The following RALGAPA2 variants were observed in gnomAD, a reference collection of about 807,000 sequenced individuals.
RALGAPA2 encodes the protein Ral GTPase activating protein catalytic subunit alpha 2, also known as ral GTPase-activating protein subunit alpha-2.
Under a neutral mutation model 230.4 loss-of-function variants are expected in RALGAPA2, and 139 were observed. The observed-to-expected ratio is 0.60, with a 90% CI of 0.53 to 0.69. The LOEUF is 0.69. RALGAPA2 is among the 30% of genes least tolerant of loss of function. The pLI, the probability that RALGAPA2 is intolerant of heterozygous loss-of-function variation, is 0.00. For missense variants in RALGAPA2, 2,163 were observed against 2,276.0 expected (o/e 0.95, Z 1.01); for synonymous variants, 847 against 837.8 (o/e 1.01, Z -0.19).
intron 35 of RALGAPA2, among the ~76,000 whole-genome samples, chr20:20,500,745 G>A (rs2062350583): frequency 6.6e-6 from 1 of 152,142 alleles, no homozygotes; most frequent in Non-Finnish European, 1.5e-5. Context: ...GTTTTCAATG[G>A]TCTTTGCCAG....
intron 35 of RALGAPA2, among the ~76,000 whole-genome samples, chr20:20,500,159 T>C (rs992057079): frequency 3.3e-5 from 5 of 152,196 alleles, no homozygotes; most frequent in East Asian, 1.9e-4. Context: ...TGGTTGCTGA[T>C]TGATCAGGGT....
intron 10 of RALGAPA2, among the ~76,000 whole-genome samples, chr20:20,622,562 T>C (rs1027167710): frequency 5.3e-5 from 8 of 152,200 alleles, no homozygotes; most frequent in Non-Finnish European, 7.3e-5. Context: ...AAAAGATTCA[T>C]GTGCAGAGGG....
intron 37 of RALGAPA2, among the ~76,000 whole-genome samples, chr20:20,469,185 G>A (rs751358958): frequency 3.3e-5 from 5 of 152,184 alleles, no homozygotes; most frequent in Non-Finnish European, 7.3e-5. Flanking sequence ...AACTGGTGCT[G>A]CCCGGCAAAA....
intron 35 of RALGAPA2, among the ~76,000 whole-genome samples, chr20:20,497,042 A>C (rs972540559): frequency 3.3e-5 from 5 of 152,232 alleles, no homozygotes; most frequent in Non-Finnish European, 7.3e-5. Flanking sequence ...TGGCAAAATT[A>C]CCCAGTACAT....
At chr20:20,532,955 C>G (rs1460252289) in intron 26 of RALGAPA2, among the ~76,000 whole-genome samples, 1 of 150,468 alleles carries the variant, frequency 6.6e-6, no homozygotes, top group Non-Finnish European at 1.5e-5. Flanking sequence ...GTTCAAATAC[C>G]TAGTAGAACC....
chr20:20,661,766 C>A (rs2067787461), intron 3 of RALGAPA2, among the ~76,000 whole-genome samples: 1 of 152,080 alleles, frequency 6.6e-6, no homozygotes, highest in Non-Finnish European at 1.5e-5. Context: ...CACAGAAAGA[C>A]TGACAATAAA....
chr20:20,677,828 A>G (rs1433046745), intron 2 of RALGAPA2, among the ~76,000 whole-genome samples: 1 of 151,078 alleles, frequency 6.6e-6, no homozygotes, highest in Admixed American at 6.6e-5. Flanking sequence ...TTGTATTTTT[A>G]GTAGAGACAG....
intron 1 of RALGAPA2, among the ~76,000 whole-genome samples, chr20:20,707,456 A>T (rs1412373092): frequency 1.3e-5 from 2 of 152,178 alleles, no homozygotes; most frequent in Non-Finnish European, 2.9e-5. Context: ...AATCCAGGAA[A>T]TGGTAAGCTA....
rs1162525656 is a variant in RALGAPA2, at chr20:20,535,813, C to G, written c.3415-10G>C. ...TATTTATGAGGTAATGCTAAAAACA[C>G]AAAATTAAGTAAAATAAAAACTTTG... is the stretch of plus-strand genomic sequence containing the variant. On this transcript the variant is annotated splice_polypyrimidine_tract_variant and intron_variant, in intron 25 of 39. Transcript: ENST00000202677. 5.2e-6 allele frequency: 8 copies of G among 1,543,054 alleles called. No individual in the cohort carries two copies. The highest frequency in any genetic ancestry group is 7.0e-6 in the Non-Finnish European group (8 of 1,143,300).
intron 36 of RALGAPA2, among the ~76,000 whole-genome samples, chr20:20,479,682 A>C (rs2061729878): frequency 6.6e-6 from 1 of 152,230 alleles, no homozygotes; most frequent in Non-Finnish European, 1.5e-5. Context: ...AAATGGTGAA[A>C]CATTGAGAAC....
chr20:20,437,927 C>T lies in RALGAPA2; in HGVS notation c.5496-25779G>A, dbSNP rs527771407. Among the ~76,000 whole-genome samples the T allele has an allele frequency of 6.6e-6, 1 of 152,280 alleles. No individual in the cohort carries two copies. The highest frequency in any genetic ancestry group is 2.4e-5 in the African/African-American group (1 of 41,548). On this transcript the variant is annotated intron_variant, in intron 37 of 39. Coordinates refer to ENST00000202677, the MANE Select transcript of RALGAPA2 (RefSeq NM_020343.4). The surrounding 1 kb of genome is among the most constrained non-coding windows in gnomAD (Gnocchi z 4.1). ...CTCAGAAACCACTCTCGCAGGCTAG[C>T]TGGCTGAAGGAACAACACTGCAGTG...
intron 20 of RALGAPA2, among the ~76,000 whole-genome samples, chr20:20,575,549 T>C (rs895911467): frequency 6.6e-6 from 1 of 152,052 alleles, no homozygotes; most frequent in African/African-American, 2.4e-5. Context: ...CCTAATTTAC[T>C]TTCACCATTT....
chr20:20,566,125 A>T (rs2064412772), intron 23 of RALGAPA2, among the ~76,000 whole-genome samples: 1 of 152,054 alleles, frequency 6.6e-6, no homozygotes. Flanking sequence ...GAGGACCCAG[A>T]TCCCCCTGTG....
intron 1 of RALGAPA2, among the ~76,000 whole-genome samples, chr20:20,701,363 C>T (rs1408183514): frequency 6.6e-6 from 1 of 152,044 alleles, no homozygotes; most frequent in East Asian, 1.9e-4. Flanking sequence ...CAACAGAAAT[C>T]AAGATGAAAA....
chr20:20,571,958 AGAG>A lies in RALGAPA2; in HGVS notation c.2902-15_2902-13del, dbSNP rs1436577767. ...AGATTATCCCGTATCTAATTCACAAAGAGGAGAATTTTAGGGTAGGTAACATTA... is the reference window on the plus strand; with the variant it reads ...AGATTATCCCGTATCTAATTCACAAAGAGAATTTTAGGGTAGGTAACATTA... On this transcript the variant is annotated splice_polypyrimidine_tract_variant and intron_variant, in intron 21 of 39. Transcript: ENST00000202677. The A allele has an allele frequency of 1.3e-6, 2 of 1,570,154 alleles. No individual in the cohort carries two copies. The highest frequency in any genetic ancestry group is 2.7e-5 in the African/African-American group (2 of 74,108).
chr20:20,414,808 A>G (rs1409248316), intron 37 of RALGAPA2, among the ~76,000 whole-genome samples: 3 of 152,204 alleles, frequency 2.0e-5, no homozygotes, highest in African/African-American at 7.2e-5. Context: ...CCTGCCATGC[A>G]TGCCCCCGAC....
In RALGAPA2 at chr20:20,574,492, T is replaced by C. The variant is rs575226617; in HGVS notation, c.2708-1424A>G. ...GTTCTTTGGATACCTGTTGCTTTAG[T>C]ATGAGTAAAGGCTAGAAGACTGATT... On this transcript the variant is annotated intron_variant, in intron 20 of 39. Coordinates refer to ENST00000202677, the MANE Select transcript of RALGAPA2 (RefSeq NM_020343.4). Among the ~76,000 whole-genome samples, 154 of 152,328 alleles carry C rather than the reference T, an allele frequency of 1.0e-3. 1 individual carries two copies. The highest frequency in any genetic ancestry group is 3.4e-3 in the African/African-American group (143 of 41,574).
At chr20:20,456,147 C>T (rs1334335741) in intron 37 of RALGAPA2, among the ~76,000 whole-genome samples, 1 of 152,254 alleles carries the variant, frequency 6.6e-6, no homozygotes, top group East Asian at 1.9e-4. Flanking sequence ...CTCCCATGCA[C>T]ATTGTAAAGA....
rs139865939 is a variant in RALGAPA2 at position 20,402,043 on chromosome 20, T to C, written c.5618-5309A>G. Among the ~76,000 whole-genome samples, 776 of 152,242 alleles carry C rather than the reference T, an allele frequency of 5.1e-3. 10 individuals carry two copies. The highest frequency in any genetic ancestry group is 0.018 in the African/African-American group (737 of 41,534). Reference sequence around the variant, plus strand: ...CCACTGGGTTGTTCATTCCTGTGGGTGGGTCCCCCACAGCAGGCACGGAGA... The same window carrying C: ...CCACTGGGTTGTTCATTCCTGTGGGCGGGTCCCCCACAGCAGGCACGGAGA... On this transcript the variant is annotated intron_variant, in intron 38 of 39. Coordinates refer to ENST00000202677, the MANE Select transcript of RALGAPA2 (RefSeq NM_020343.4).
Sources: allele counts gnomAD v4.1 joint callset (sites outside exome capture counted in the v4.1 genomes callset), GRCh38; gene constraint gnomAD v4.1.1; non-coding constraint Gnocchi (gnomAD v3.1); transcripts MANE v1.5; gene names NCBI Gene and HGNC (gene_info 2026-07-23, HGNC 2026-07-21).